The following TMEM268 variants were observed in gnomAD, a reference collection of about 807,000 sequenced individuals.
The protein encoded by TMEM268 is transmembrane protein 268, also known as transmembrane protein C9orf91.
TMEM268 carries 24 observed loss-of-function variants against 39.1 expected under a neutral mutation model. The observed-to-expected ratio is 0.61, with a 90% confidence interval of 0.44 to 0.86. The LOEUF is 0.86. Among genes scored for constraint, TMEM268 ranks in the 40% least tolerant of loss-of-function variants. TMEM268 has a pLI of 0.00. For missense variants in TMEM268, 409 were observed against 428.6 expected, an observed-to-expected ratio of 0.95 and a Z score of 0.40; for synonymous variants, 176 against 173.5, an observed-to-expected ratio of 1.01 and a Z score of -0.12.
chr9:114,644,235 T>C lies in TMEM268; in HGVS notation c.*922T>C, dbSNP rs1827479928. ...CCCAAGACCAAACGCATCTAAAGGATCCCCAGCCCCCAAGACCTAGCCTTT... is the reference window on the plus strand; with the variant it reads ...CCCAAGACCAAACGCATCTAAAGGACCCCCAGCCCCCAAGACCTAGCCTTT... On this transcript the variant is annotated 3_prime_UTR_variant, in exon 9 of 9. Transcript: ENST00000288502. The C allele has an allele frequency of 6.6e-6, 1 of 152,386 alleles. No individual in the cohort carries two copies. Among genetic ancestry groups the C allele is most frequent in the Admixed American group, 6.5e-5 (1 of 15,274 alleles). 9.4% of individuals were successfully genotyped at this position (152,386 alleles called of 1,614,324 possible).
Position 114,643,179 on chromosome 9 carries a change from C to A in TMEM268, c.895C>A (p.Arg299=). The change falls in exon 9 of 9, where the codon CGG becomes AGG. Residue 299 remains arginine (R), a synonymous_variant. Transcript: ENST00000288502. ...GGCAGTGTTTGGCGGCTACTACATC[C>A]GGCTTCTAGTGACCTCCCAGCTCCC... ...LLAVFGGYYI[R]LLVTSQLPQA... is the part of the protein sequence containing the mutation. The A allele has an allele frequency of 1.2e-6, 2 of 1,614,206 alleles. No homozygotes were observed. The highest frequency in any genetic ancestry group is 2.2e-5 in the South Asian group (2 of 91,082).
intron 2 of TMEM268, among the ~76,000 whole-genome samples, chr9:114,623,836 C>T (rs1378023919): frequency 1.3e-5 from 2 of 152,232 alleles, no homozygotes; most frequent in South Asian, 4.1e-4. Flanking sequence ...TATTTGCAGG[C>T]TCTGGGGATT....
chr9:114,608,096 T>G (rs1845390403), upstream of TMEM268, among the ~76,000 whole-genome samples: 1 of 152,174 alleles, frequency 6.6e-6, no homozygotes, highest in Non-Finnish European at 1.5e-5. Context: ...GATTTCACCC[T>G]ACTTTCACTG....
intron 3 of TMEM268, among the ~76,000 whole-genome samples, chr9:114,626,334 G>A (rs937617348): frequency 3.9e-5 from 6 of 152,106 alleles, no homozygotes; most frequent in South Asian, 2.1e-4. Context: ...TTCTATAGAC[G>A]CTTTTGTTTG....
upstream of TMEM268, among the ~76,000 whole-genome samples, chr9:114,607,860 T>C (rs1380000075): frequency 6.6e-6 from 1 of 151,842 alleles, no homozygotes; most frequent in Non-Finnish European, 1.5e-5. Flanking sequence ...TGGGAGAGAA[T>C]GGCAACCACT....
At position 114,633,961 on chromosome 9, in the gene TMEM268, G is replaced by T; in HGVS notation, c.585+83G>T. The T allele has an allele frequency of 9.6e-6, 7 of 725,836 alleles. No homozygotes were observed. In the South Asian group the frequency reaches 9.9e-5, roughly 10 times the overall value. 45.0% of individuals were successfully genotyped at this position (725,836 alleles called of 1,614,324 possible). A position where few individuals can be genotyped will look rare whatever the true frequency, so the allele number is the denominator to read the frequency against. ...AGAGCAGTGGCCTCATGTTCTCCCAGCCTACACAGTGTTTGCAGTAGTCTG... is the reference window on the plus strand; with the variant it reads ...AGAGCAGTGGCCTCATGTTCTCCCATCCTACACAGTGTTTGCAGTAGTCTG... On this transcript the variant is annotated intron_variant, in intron 6 of 8. Coordinates refer to ENST00000288502, the MANE Select transcript of TMEM268 (RefSeq NM_153045.4).
At chr9:114,624,039 A>C in intron 2 of TMEM268, 1 of 240,932 alleles carries the variant, frequency 4.2e-6, no homozygotes, top group Admixed American at 5.2e-5. Context: ...GTGTTGGGGA[A>C]CATTTTTTTG....
chr9:114,638,256 G>A (rs1308829597), intron 7 of TMEM268, among the ~76,000 whole-genome samples: 1 of 152,092 alleles, frequency 6.6e-6, no homozygotes, highest in Non-Finnish European at 1.5e-5. Flanking sequence ...TGGCCAGGCC[G>A]GTCTTGAACT....
At chr9:114,609,381 G>A (rs1324996114), upstream of TMEM268, among the ~76,000 whole-genome samples, 1 of 151,520 alleles carries the variant, frequency 6.6e-6, no homozygotes, top group African/African-American at 2.4e-5. Flanking sequence ...TCTACTTATA[G>A]AAATGGGCCA....
At chr9:114,616,817 C>T (rs1189719006) in intron 1 of TMEM268, among the ~76,000 whole-genome samples, 1 of 152,178 alleles carries the variant, frequency 6.6e-6, no homozygotes, top group Non-Finnish European at 1.5e-5. Flanking sequence ...TCCCAACTGC[C>T]TGGCAGTGGG....
At chr9:114,626,654 C>G (rs1325248488) in intron 3 of TMEM268, among the ~76,000 whole-genome samples, 1 of 152,240 alleles carries the variant, frequency 6.6e-6, no homozygotes, top group Non-Finnish European at 1.5e-5. Flanking sequence ...AACCATCAGG[C>G]TGCCCTGTGT....
chr9:114,618,821 T>C (rs1371619635), intron 2 of TMEM268, among the ~76,000 whole-genome samples: 2 of 152,216 alleles, frequency 1.3e-5, no homozygotes, highest in African/African-American at 2.4e-5. Flanking sequence ...TAAATAATTA[T>C]GTATAAAGTG....
intron 2 of TMEM268, among the ~76,000 whole-genome samples, chr9:114,623,711 C>T (rs1424969342): frequency 1.3e-5 from 2 of 152,194 alleles, no homozygotes; most frequent in Non-Finnish European, 2.9e-5. Flanking sequence ...CGCTTTTCCA[C>T]GTTTAAGGTT....
rs774305681 is a variant in TMEM268 at position 114,643,234 on chromosome 9, C to T, written c.950C>T (p.Ser317Phe). The T allele has an allele frequency of 3.7e-6, 6 of 1,614,202 alleles. No homozygotes were observed. The highest frequency in any genetic ancestry group is 2.2e-5 in the East Asian group (1 of 44,890). ...GCAATGGGGACACGACACACGAACT[C>T]TCCGAGAATTCCATGCCCCTGCCAG... ...PQAMGTRHTN[S>F]PRIPCPCQLI... The change falls in exon 9 of 9, where the codon TCT (serine) becomes TTT (phenylalanine). Residue 317 changes from serine (S) to phenylalanine (F), a missense_variant. Transcript: ENST00000288502.
intron 6 of TMEM268, among the ~76,000 whole-genome samples, chr9:114,635,517 A>G (rs1846597564): frequency 6.6e-6 from 1 of 152,010 alleles, no homozygotes; most frequent in African/African-American, 2.4e-5. Context: ...TGTTTCTACA[A>G]AGAGTACAAA....
In TMEM268 at chr9:114,633,319, G is replaced by A. The variant is rs1811142; in HGVS notation, c.475-449G>A. 5.6e-3 allele frequency among the ~76,000 whole-genome samples: 847 copies of A among 152,034 alleles called. 24 individuals carry two copies. The highest frequency in any genetic ancestry group is 0.055 in the East Asian group (284 of 5,172). ...TGGGACTACAGGTGTGTGTCACCAC[G>A]CCCAGCTAATTTTTGTATTATTAGT... is the stretch of plus-strand genomic sequence containing the variant. On this transcript the variant is annotated intron_variant, in intron 5 of 8. Coordinates refer to ENST00000288502, the MANE Select transcript of TMEM268 (RefSeq NM_153045.4).
At position 114,625,085 on chromosome 9, in the gene TMEM268, C is replaced by T. The variant is rs117015701; in HGVS notation, c.216+626C>T. On this transcript the variant is annotated intron_variant, in intron 3 of 8. Coordinates refer to ENST00000288502, the MANE Select transcript of TMEM268 (RefSeq NM_153045.4). ...GTGGAACTGGATGCAGATCTAGCTC[C>T]GATGCTCACTACCTGTGTGACTTTA... 8.8e-3 allele frequency among the ~76,000 whole-genome samples: 1,347 copies of T among 152,242 alleles called. 11 individuals carry two copies. Among genetic ancestry groups the T allele is most frequent in the Non-Finnish European group, 0.015 (1,040 of 68,022 alleles).
intron 2 of TMEM268, among the ~76,000 whole-genome samples, chr9:114,622,947 A>C (rs535006976): frequency 5.3e-5 from 8 of 151,952 alleles, no homozygotes; most frequent in Non-Finnish European, 7.4e-5. Flanking sequence ...AAAATTAGCC[A>C]GGCATGGTGG....
intron 8 of TMEM268, 42 bp from the exon 9 acceptor site, chr9:114,643,092 G>C (rs1827427569): frequency 1.2e-6 from 2 of 1,606,652 alleles, no homozygotes; most frequent in Admixed American, 3.4e-5. Flanking sequence ...TTCCTCAAGG[G>C]GCTCCCCTGT....
Sources: allele counts gnomAD v4.1 joint callset (sites outside exome capture counted in the v4.1 genomes callset), GRCh38; gene constraint gnomAD v4.1.1; transcripts MANE v1.5; gene names NCBI Gene and HGNC (gene_info 2026-07-23, HGNC 2026-07-21).